CADPS2: variants seen among roughly 807,000 people sequenced by gnomAD.
CADPS2 encodes the protein calcium dependent secretion activator 2.
In CADPS2, 93 loss-of-function variants were observed where a neutral mutation model predicts 172.5. The ratio of observed to expected loss-of-function variants is 0.54; its 90% CI spans 0.46 to 0.64. The LOEUF is 0.64. CADPS2 is among the 30% of genes least tolerant of loss of function. The pLI is 0.00. For missense variants in CADPS2, 1,420 were observed against 1,565.9 expected, an observed-to-expected ratio of 0.91 and a Z score of 1.57; for synonymous variants, 546 against 555.2, an observed-to-expected ratio of 0.98 and a Z score of 0.23.
At chr7:122,403,838 A>G (rs2046271405) in intron 20 of CADPS2, among the ~76,000 whole-genome samples, 1 of 152,210 alleles carries the variant, frequency 6.6e-6, no homozygotes, top group Admixed American at 6.5e-5. Context: ...ATATCATCAA[A>G]AAATATTAAT....
chr7:122,558,302 T>C (rs2132112879), intron 7 of CADPS2, among the ~76,000 whole-genome samples: 1 of 152,286 alleles, frequency 6.6e-6, no homozygotes, highest in African/African-American at 2.4e-5. Flanking sequence ...ATTTAACAGA[T>C]ATAAAAGCTT....
intron 1 of CADPS2, among the ~76,000 whole-genome samples, chr7:122,871,915 C>G (rs1451124419): frequency 1.3e-5 from 2 of 152,018 alleles, no homozygotes; most frequent in African/African-American, 4.8e-5. Context: ...AAGACCAGTC[C>G]TTAAAATCTT....
At chr7:122,338,271 C>T (rs1330082860) in intron 28 of CADPS2, among the ~76,000 whole-genome samples, 2 of 152,116 alleles carry the variant, frequency 1.3e-5, no homozygotes, top group African/African-American at 4.8e-5. Flanking sequence ...GTGGCACGCA[C>T]CTGTAGTCCC....
chr7:122,528,074 T>C (rs945977773), intron 8 of CADPS2, among the ~76,000 whole-genome samples: 1 of 146,530 alleles, frequency 6.8e-6, no homozygotes, highest in African/African-American at 2.6e-5. Context: ...GAAAGGGGCC[T>C]TTGTAACTAT....
At chr7:122,569,247 A>G (rs2132454494) in intron 7 of CADPS2, among the ~76,000 whole-genome samples, 1 of 152,248 alleles carries the variant, frequency 6.6e-6, no homozygotes, top group South Asian at 2.1e-4. Flanking sequence ...ACAGACAAAC[A>G]GAGAGCCAAA....
intron 1 of CADPS2, among the ~76,000 whole-genome samples, chr7:122,833,170 C>T (rs897223343): frequency 5.3e-5 from 8 of 152,164 alleles, no homozygotes; most frequent in Non-Finnish European, 1.0e-4. Flanking sequence ...ACACTATTTT[C>T]ATGGCAACAT....
chr7:122,711,369 G>T (rs2088687984), intron 2 of CADPS2, among the ~76,000 whole-genome samples: 1 of 151,850 alleles, frequency 6.6e-6, no homozygotes, highest in African/African-American at 2.4e-5. Context: ...TTTAAATATA[G>T]ATCTACAACT....
chr7:122,375,895 CA>C lies in CADPS2; in HGVS notation c.3387+3472del, dbSNP rs555257466. Among the ~76,000 whole-genome samples, 242 of 138,102 alleles carry C rather than the reference CA, an allele frequency of 1.8e-3. 1 individual carries two copies. The highest frequency in any genetic ancestry group is 3.9e-3 in the African/African-American group (146 of 37,754). The allele number at this position is 138,102 out of a possible 152,430, so 90.6% of individuals were successfully genotyped here. A position where few individuals can be genotyped will look rare whatever the true frequency, so the allele number is the denominator to read the frequency against. On this transcript the variant is annotated intron_variant, in intron 25 of 29. Transcript: ENST00000449022. ...GAGTTGACATCTAAAACTCAATAGC[CA>C]AAAAAAAAAAATTAAAAATTAAAAA... is the stretch of plus-strand genomic sequence containing the variant.
At chr7:122,843,841 A>AC (rs1165182609) in intron 1 of CADPS2, among the ~76,000 whole-genome samples, 46 of 152,352 alleles carry the variant, frequency 3.0e-4, no homozygotes, top group Non-Finnish European at 5.4e-4. Flanking sequence ...GGCAAGGGTC[A>AC]ACAGGAGGCA....
intron 3 of CADPS2, among the ~76,000 whole-genome samples, chr7:122,658,652 A>G (rs2192022): frequency 0.99 from 150,591 of 152,252 alleles, 74,493 homozygotes; most frequent in Middle Eastern, 1. Context: ...ACCAAACACC[A>G]CATGTTCTCA....
intron 1 of CADPS2, among the ~76,000 whole-genome samples, chr7:122,860,159 A>G (rs1050723142): frequency 6.7e-6 from 1 of 149,058 alleles, no homozygotes; most frequent in African/African-American, 2.5e-5. Context: ...CAAGTTCACA[A>G]AAAATAAGAG....
intron 1 of CADPS2, among the ~76,000 whole-genome samples, chr7:122,809,206 A>T (rs1039888261): frequency 6.6e-6 from 1 of 152,196 alleles, no homozygotes; most frequent in Admixed American, 6.5e-5. Flanking sequence ...CTAAGACAAA[A>T]GTGTGCTCCC....
chr7:122,388,968 T>C (rs1042872147), intron 22 of CADPS2, among the ~76,000 whole-genome samples: 20 of 152,082 alleles, frequency 1.3e-4, no homozygotes, highest in Admixed American at 6.6e-5. Flanking sequence ...TAGGGTTTCA[T>C]ACAAAGAGGT....
intron 6 of CADPS2, among the ~76,000 whole-genome samples, chr7:122,594,630 C>G (rs892502036): frequency 1.3e-5 from 2 of 151,916 alleles, no homozygotes; most frequent in African/African-American, 4.8e-5. Context: ...GTCTAGCAAG[C>G]CTGTTAGCAC....
Position 122,328,318 on chromosome 7 carries a change from T to C in CADPS2, c.3613-2737A>G, listed in dbSNP as rs544279846. Among the ~76,000 whole-genome samples, 11 of 152,262 alleles carry C rather than the reference T, an allele frequency of 7.2e-5. No individual in the cohort carries two copies. The East Asian group carries it at 2.1e-3, about 29-fold the overall frequency. On this transcript the variant is annotated intron_variant, in intron 28 of 29. Coordinates refer to ENST00000449022, the MANE Select transcript of CADPS2 (RefSeq NM_017954.11). The stretch of plus-strand genomic sequence containing the variant: ...AGAAAAAAGTCAAAGATAGGTTCTC[T>C]CCATTCCCCAATCCCCTCCACCAAA...
At chr7:122,734,106 T>C (rs919370298) in intron 2 of CADPS2, among the ~76,000 whole-genome samples, 3 of 151,790 alleles carry the variant, frequency 2.0e-5, no homozygotes, top group East Asian at 3.9e-4. Context: ...TAGTCAGCTA[T>C]GGTGGTATGA....
Position 122,637,208 on chromosome 7 carries a change from T to C in CADPS2, c.787-7880A>G, listed in dbSNP as rs201203152. ...TTTTTTTTTTTTTTTTTTTTTTTTT[T>C]CCTGAGACAGGGTCTCACTCTGTGG... On this transcript the variant is annotated intron_variant, in intron 3 of 29. Coordinates refer to ENST00000449022, the MANE Select transcript of CADPS2 (RefSeq NM_017954.11). Among the ~76,000 whole-genome samples the C allele has an allele frequency of 6.4e-3, 400 of 62,686 alleles. 18 individuals are homozygous for C. The highest frequency in any genetic ancestry group is 0.056 in the East Asian group (81 of 1,448). The allele number at this position is 62,686 out of a possible 152,430, so 41.1% of individuals were successfully genotyped here. A position where few individuals can be genotyped will look rare whatever the true frequency, so the allele number is the denominator to read the frequency against.
chr7:122,519,029 T>C (rs921619740), intron 8 of CADPS2, among the ~76,000 whole-genome samples: 1 of 151,864 alleles, frequency 6.6e-6, no homozygotes, highest in East Asian at 1.9e-4. Flanking sequence ...AACACAAATA[T>C]CATCAGTTTT....
chr7:122,689,278 T>G (rs1166958072), intron 2 of CADPS2, among the ~76,000 whole-genome samples: 1 of 151,748 alleles, frequency 6.6e-6, no homozygotes, highest in Non-Finnish European at 1.5e-5. Flanking sequence ...CAGGGATGAG[T>G]TTTCAACATT....
Sources: gnomAD v4.1 joint callset for allele counts (sites outside exome capture counted in the v4.1 genomes callset) on GRCh38, gnomAD v4.1.1 for gene constraint, MANE v1.5 for transcripts, NCBI Gene and HGNC (gene_info 2026-07-23, HGNC 2026-07-21) for gene names.